RALA: variants seen among roughly 807,000 people sequenced by gnomAD.
The protein encoded by RALA is ras-related protein Ral-A.
In RALA, 5 loss-of-function variants were observed where a neutral mutation model predicts 24.0. The observed-to-expected ratio is 0.21, with a 90% CI of 0.11 to 0.44. RALA has a LOEUF of 0.44. Ranked by LOEUF, RALA falls within the 20% of genes least tolerant of loss-of-function variation. The pLI is 0.99. For missense variants in RALA, 95 were observed against 241.2 expected, an observed-to-expected ratio of 0.39 and a Z score of 4.01; for synonymous variants, 77 against 83.8, an observed-to-expected ratio of 0.92 and a Z score of 0.44.
At position 39,686,754 on chromosome 7, in the gene RALA, T is replaced by A; in HGVS notation, c.87T>A (p.Ala29=). The part of the protein sequence containing the change: ...MVGSGGVGKS[A]LTLQFMYDEF... The stretch of plus-strand genomic sequence containing the variant: ...GCAGTGGTGGCGTGGGCAAGTCAGC[T>A]CTGACTCTACAGTTCATGTACGATG... Residue 29 remains alanine, a synonymous_variant, in exon 2 of 5, where the codon GCT becomes GCA. Coordinates refer to ENST00000005257, the MANE Select transcript of RALA (RefSeq NM_005402.4). The A allele has an allele frequency of 1.2e-6, 2 of 1,613,948 alleles. No individual in the cohort carries two copies. Among genetic ancestry groups the A allele is most frequent in the Non-Finnish European group, 1.7e-6 (2 of 1,179,794 alleles).
intron 1 of RALA, among the ~76,000 whole-genome samples, chr7:39,635,087 C>T (rs142791816): frequency 1.2e-3 from 188 of 152,238 alleles, no homozygotes; most frequent in Non-Finnish European, 2.3e-3. Flanking sequence ...TGGTGGCTCA[C>T]GCCTGTAATT....
intron 1 of RALA, among the ~76,000 whole-genome samples, chr7:39,669,638 CCT>C (rs1361368424): frequency 6.6e-6 from 1 of 151,698 alleles, no homozygotes; most frequent in African/African-American, 2.4e-5. Context: ...ATAGTGAGAC[CCT>C]GTCTGTACAA....
intron 1 of RALA, chr7:39,624,545 G>A (rs574670934): frequency 6.6e-6 from 1 of 152,358 alleles, no homozygotes; most frequent in Admixed American, 6.5e-5. Flanking sequence ...CTTTAGCCTG[G>A]ATATATGTGT....
intron 4 of RALA, among the ~76,000 whole-genome samples, chr7:39,702,000 G>A (rs778094027): frequency 6.6e-6 from 1 of 152,212 alleles, no homozygotes; most frequent in Non-Finnish European, 1.5e-5. Flanking sequence ...ATAGAGAGAA[G>A]TTGAGCAAAT....
intron 1 of RALA, among the ~76,000 whole-genome samples, chr7:39,675,325 T>G (rs1295191518): frequency 6.6e-6 from 1 of 152,162 alleles, no homozygotes; most frequent in Non-Finnish European, 1.5e-5. Context: ...GTGTAGAATT[T>G]TCTACTTGTG....
intron 1 of RALA, among the ~76,000 whole-genome samples, chr7:39,683,068 C>T (rs956337205): frequency 1.3e-5 from 2 of 152,180 alleles, no homozygotes; most frequent in African/African-American, 4.8e-5. Flanking sequence ...TAAGAGGCAG[C>T]AAACTTGCCC....
intron 1 of RALA, among the ~76,000 whole-genome samples, chr7:39,646,022 A>G (rs1562610322): frequency 6.6e-6 from 1 of 152,234 alleles, no homozygotes; most frequent in African/African-American, 2.4e-5. Context: ...ACCATTCTCA[A>G]CTTCAGAGCT....
chr7:39,671,991 AATT>A (rs1270186900), intron 1 of RALA, among the ~76,000 whole-genome samples: 12 of 152,096 alleles, frequency 7.9e-5, no homozygotes, highest in Non-Finnish European at 1.8e-4. Context: ...CTTTATAATA[AATT>A]ATTAACTAAA....
rs185469088 is a variant in RALA, at chr7:39,634,910, A to G, written c.-38+11085A>G. 2.3e-3 allele frequency among the ~76,000 whole-genome samples: 344 copies of G among 152,198 alleles called. 1 individual carries two copies. Among genetic ancestry groups the G allele is most frequent in the Admixed American group, 7.1e-3 (109 of 15,288 alleles). On this transcript the variant is annotated intron_variant, in intron 1 of 4. Transcript: ENST00000005257. ...GGTTACAACTGCTTGTCTTTTTTGC[A>G]CATTCATTGGTCATTTATATTTCTT...
chr7:39,697,971 G>GTGTGTATA (rs147264246), intron 4 of RALA, among the ~76,000 whole-genome samples: 2 of 149,346 alleles, frequency 1.3e-5, no homozygotes, highest in Non-Finnish European at 3.0e-5. Context: ...GTGTGTGTGT[G>GTGTGTATA]TGTATGTGTG....
intron 1 of RALA, among the ~76,000 whole-genome samples, chr7:39,673,035 A>G (rs999345936): frequency 6.6e-6 from 1 of 152,206 alleles, no homozygotes; most frequent in East Asian, 1.9e-4. Context: ...TAAAAATACA[A>G]AAATTAGCTG....
chr7:39,641,740 A>G (rs1318787069), intron 1 of RALA, among the ~76,000 whole-genome samples: 2 of 151,936 alleles, frequency 1.3e-5, no homozygotes, highest in African/African-American at 2.4e-5. Context: ...TATGATGTGG[A>G]TGGTGATGGT....
At chr7:39,708,120 ATGTT>A (rs1239197659), downstream of RALA, 1 of 152,672 alleles carries the variant, frequency 6.5e-6, no homozygotes, top group African/African-American at 2.4e-5. Context: ...CTTTTTTAAA[ATGTT>A]TGTGGTGTTA....
At position 39,706,400 on chromosome 7, in the gene RALA, T is replaced by C. The variant is rs1793120751; in HGVS notation, c.*155T>C. 1.3e-5 allele frequency: 10 copies of C among 774,710 alleles called. No individual in the cohort carries two copies. Among genetic ancestry groups the C allele is most frequent in the Admixed American group, 3.1e-5 (1 of 32,020 alleles). The allele number at this position is 774,710 out of a possible 1,614,324, so 48.0% of individuals were successfully genotyped here. ...AATTGGAACTGCAATGAAAGTCAAATTTACTTTAAAAAGAAATTAATATGG... is the reference window on the plus strand; with the variant it reads ...AATTGGAACTGCAATGAAAGTCAAACTTACTTTAAAAAGAAATTAATATGG... On this transcript the variant is annotated 3_prime_UTR_variant, in exon 5 of 5. Transcript: ENST00000005257.
chr7:39,690,066 A>G (rs1441800292), intron 2 of RALA, among the ~76,000 whole-genome samples: 1 of 152,198 alleles, frequency 6.6e-6, no homozygotes, highest in African/African-American at 2.4e-5. Context: ...GTTACATAGA[A>G]AAAAGACTAT....
At chr7:39,628,026 G>T (rs1791523988) in intron 1 of RALA, among the ~76,000 whole-genome samples, 1 of 150,480 alleles carries the variant, frequency 6.6e-6, no homozygotes, top group Non-Finnish European at 1.5e-5. Flanking sequence ...CTTCTTGGAT[G>T]ATCTTTTGTT....
At position 39,708,064 on chromosome 7, in the gene RALA, G is replaced by A. The variant is rs1221735387; in HGVS notation, c.*1819G>A. The A allele has an allele frequency of 6.6e-6, 1 of 152,562 alleles. No individual in the cohort carries two copies. The highest frequency in any genetic ancestry group is 2.4e-5 in the African/African-American group (1 of 41,424). The allele number at this position is 152,562 out of a possible 1,614,324, so 9.5% of individuals were successfully genotyped here. ...GTGTCTTAGGCTGATGCCACTACCCGATTTGTTTATTTGCAATTTGAGCCA... is the reference window on the plus strand; with the variant it reads ...GTGTCTTAGGCTGATGCCACTACCCAATTTGTTTATTTGCAATTTGAGCCA... On this transcript the variant is annotated 3_prime_UTR_variant, in exon 5 of 5. Transcript: ENST00000005257.
At chr7:39,660,958 A>G (rs1792175989) in intron 1 of RALA, among the ~76,000 whole-genome samples, 1 of 152,226 alleles carries the variant, frequency 6.6e-6, no homozygotes. Context: ...ATTTATAAAG[A>G]AAAAGAGGTT....
intron 4 of RALA, chr7:39,700,456 AT>A (rs1793007261): frequency 6.6e-6 from 1 of 152,298 alleles, no homozygotes; most frequent in Admixed American, 6.5e-5. Flanking sequence ...GGCCTTTTCC[AT>A]GTGTGCTAGT....
Sources: gnomAD v4.1 joint callset for allele counts (sites outside exome capture counted in the v4.1 genomes callset) on GRCh38, gnomAD v4.1.1 for gene constraint, MANE v1.5 for transcripts, NCBI Gene and HGNC (gene_info 2026-07-23, HGNC 2026-07-21) for gene names.